EYS: variants seen among roughly 807,000 people sequenced by gnomAD.
The protein encoded by EYS is protein eyes shut homolog.
Under a neutral mutation model 282.1 loss-of-function variants are expected in EYS, and 250 were observed. The observed-to-expected ratio is 0.89, with a 90% CI of 0.80 to 0.98. The LOEUF is 0.98. Among genes scored for constraint, EYS ranks in the 50% least tolerant of loss-of-function variants. The pLI is 0.00. For missense variants in EYS, 4,016 were observed against 3,709.0 expected (o/e 1.08, Z -2.15); for synonymous variants, 1,355 against 1,282.9 (o/e 1.06, Z -1.20).
chr6:65,129,764 C>G (rs970565162), intron 12 of EYS, among the ~76,000 whole-genome samples: 3 of 151,774 alleles, frequency 2.0e-5, no homozygotes, highest in African/African-American at 7.3e-5. Context: ...CCTCAAAGAA[C>G]TAAGAATTGA....
At chr6:64,107,266 T>A (rs2150263398) in intron 31 of EYS, among the ~76,000 whole-genome samples, 1 of 120,696 alleles carries the variant, frequency 8.3e-6, no homozygotes, top group Non-Finnish European at 1.7e-5. Flanking sequence ...TATATGTGTG[T>A]GTGTGTATAT....
At chr6:64,632,242 G>A (rs568833136) in intron 22 of EYS, among the ~76,000 whole-genome samples, 9 of 152,026 alleles carry the variant, frequency 5.9e-5, no homozygotes, top group East Asian at 3.9e-4. Flanking sequence ...GTTCTTTTCC[G>A]TGATTTATCT....
intron 11 of EYS, among the ~76,000 whole-genome samples, chr6:65,299,483 A>C (rs772806267): frequency 1.8e-4 from 28 of 152,014 alleles, no homozygotes; most frequent in Non-Finnish European, 3.8e-4. Flanking sequence ...TGTTCTTAGG[A>C]AAGTGTCGCT....
intron 1 of EYS, among the ~76,000 whole-genome samples, chr6:65,661,150 A>G (rs1348690482): frequency 2.0e-5 from 3 of 151,916 alleles, no homozygotes; most frequent in East Asian, 3.9e-4. Flanking sequence ...CTTCCTTACC[A>G]AAGGAATGTT....
intron 1 of EYS, among the ~76,000 whole-genome samples, chr6:65,671,111 C>T (rs1286128064): frequency 6.6e-6 from 1 of 151,984 alleles, no homozygotes; most frequent in African/African-American, 2.4e-5. Flanking sequence ...TTTATGCATC[C>T]ACTTTCTATT....
intron 23 of EYS, among the ~76,000 whole-genome samples, chr6:64,620,432 G>A (rs1328699893): frequency 6.6e-6 from 1 of 152,128 alleles, no homozygotes; most frequent in African/African-American, 2.4e-5. Context: ...CTCCATCAGA[G>A]CCTTCAGATT....
chr6:63,726,037 G>A (rs1768601440), intron 42 of EYS, among the ~76,000 whole-genome samples: 1 of 152,102 alleles, frequency 6.6e-6, no homozygotes. Flanking sequence ...CATATTTTAT[G>A]ATAAATATGT....
rs2149699634 is a variant in EYS, at chr6:63,845,139, A to G, written c.7228+19047T>C. Among the ~76,000 whole-genome samples, 2 of 152,318 alleles carry G rather than the reference A, an allele frequency of 1.3e-5. 1 individual carries two copies. Among genetic ancestry groups the G allele is most frequent in the South Asian group, 4.1e-4 (2 of 4,828 alleles). On this transcript the variant is annotated intron_variant, in intron 36 of 42. Coordinates refer to ENST00000503581, the MANE Select transcript of EYS (RefSeq NM_001142800.2). ...GACACAAAATACAGCTGCATTTAAA[A>G]TGAGTAAGTTTAACTCATAATTTAT...
At chr6:64,087,372 T>C (rs1772190807) in intron 31 of EYS, among the ~76,000 whole-genome samples, 1 of 152,110 alleles carries the variant, frequency 6.6e-6, no homozygotes, top group African/African-American at 2.4e-5. Context: ...AGTTAGGAGT[T>C]GCACATGTTT....
rs71551560 is a variant in EYS, at chr6:64,085,340, G to GCACACACACACACACACACACA, written c.6425-3360_6425-3339dup. ...CGCGCGCGCGTGCGCACGTGCGCGCGCACACACACACACACACACACACAC... is the reference window on the plus strand; with the variant it reads ...CGCGCGCGCGTGCGCACGTGCGCGCGCACACACACACACACACACACACACACACACACACACACACACACAC... On this transcript the variant is annotated intron_variant, in intron 31 of 42. Transcript: ENST00000503581. Among the ~76,000 whole-genome samples the GCACACACACACACACACACACA allele has an allele frequency of 1.1e-3, 159 of 139,860 alleles. 1 individual carries two copies. The highest frequency in any genetic ancestry group is 4.0e-3 in the African/African-American group (142 of 35,732). 91.8% of individuals were successfully genotyped at this position (139,860 alleles called of 152,430 possible). A position where few individuals can be genotyped will look rare whatever the true frequency, so the allele number is the denominator to read the frequency against.
intron 12 of EYS, among the ~76,000 whole-genome samples, chr6:65,209,819 G>A (rs986728125): frequency 6.6e-6 from 1 of 151,872 alleles, no homozygotes; most frequent in African/African-American, 2.4e-5. Context: ...TAATGTTGAA[G>A]GAAGTAGCCA....
intron 22 of EYS, among the ~76,000 whole-genome samples, chr6:64,781,237 C>T (rs1301287618): frequency 6.6e-6 from 1 of 151,386 alleles, no homozygotes; most frequent in Non-Finnish European, 1.5e-5. Flanking sequence ...CCAAATATCG[C>T]ATGTGTCTTT....
chr6:65,099,654 A>ACTCATATTAAAT (rs1774838864), intron 12 of EYS, among the ~76,000 whole-genome samples: 1 of 150,712 alleles, frequency 6.6e-6, no homozygotes, highest in South Asian at 2.1e-4. Context: ...AATGGGAAAT[A>ACTCATATTAAAT]CTCATATTAA....
At chr6:64,323,028 A>G (rs1045853406) in intron 29 of EYS, among the ~76,000 whole-genome samples, 1 of 152,204 alleles carries the variant, frequency 6.6e-6, no homozygotes, top group South Asian at 2.1e-4. Context: ...TGATTTCTTT[A>G]TTGTTTAACA....
intron 26 of EYS, among the ~76,000 whole-genome samples, chr6:64,529,735 A>G (rs1318952814): frequency 1.3e-5 from 2 of 152,108 alleles, no homozygotes; most frequent in East Asian, 1.9e-4. Flanking sequence ...AAAATTTAAG[A>G]AAAGGAATAC....
chr6:64,938,544 G>T (rs1025373565), intron 15 of EYS, among the ~76,000 whole-genome samples: 1 of 151,396 alleles, frequency 6.6e-6, no homozygotes, highest in African/African-American at 2.4e-5. Flanking sequence ...CTTTACAATG[G>T]GATAAAAGCA....
At chr6:64,192,527 C>T (rs1005607759) in intron 31 of EYS, among the ~76,000 whole-genome samples, 5 of 151,914 alleles carry the variant, frequency 3.3e-5, no homozygotes, top group East Asian at 1.9e-4. Context: ...AATAACGCCG[C>T]GTATCTACAA....
chr6:64,168,211 A>G (rs374557339), intron 31 of EYS, among the ~76,000 whole-genome samples: 31 of 152,202 alleles, frequency 2.0e-4, no homozygotes, highest in African/African-American at 7.2e-4. Flanking sequence ...CAGTGAGCCA[A>G]GATCACGCCA....
chr6:65,197,730 C>T (rs962573893), intron 12 of EYS, among the ~76,000 whole-genome samples: 1 of 151,844 alleles, frequency 6.6e-6, no homozygotes, highest in Non-Finnish European at 1.5e-5. Context: ...CTAAACATAC[C>T]TAAACAGAAA....
Sources: allele counts gnomAD v4.1 joint callset (sites outside exome capture counted in the v4.1 genomes callset), GRCh38; gene constraint gnomAD v4.1.1; transcripts MANE v1.5; gene names NCBI Gene and HGNC (gene_info 2026-07-23, HGNC 2026-07-21).